Variants in RUNX2 observed in about 807,000 individuals in gnomAD.
RUNX2 encodes RUNX family transcription factor 2, also known as runt-related transcription factor 2.
Under a neutral mutation model 51.7 loss-of-function variants are expected in RUNX2, and 10 were observed. The observed-to-expected ratio is 0.19, with a 90% confidence interval of 0.12 to 0.33. The LOEUF (loss-of-function observed/expected upper bound fraction) is 0.33. Ranked by LOEUF, RUNX2 falls within the 10% of genes least tolerant of loss-of-function variation. The pLI is 1.00. For synonymous variants in RUNX2, 276 were observed against 273.6 expected, an observed-to-expected ratio of 1.01 and a Z score of -0.09; for missense variants, 562 against 691.3, an observed-to-expected ratio of 0.81 and a Z score of 2.10.
chr6:45,546,737 G>T (rs1457123007), intron 8 of RUNX2, 90 bp from the exon 9 acceptor site: 2 of 1,192,528 alleles, frequency 1.7e-6, no homozygotes, highest in East Asian at 4.7e-5. Context: ...GAAAGCTAAA[G>T]TTTTCTCTTT....
chr6:45,384,874 A>T (rs182151942), intron 2 of RUNX2, among the ~76,000 whole-genome samples: 3,189 of 151,660 alleles, frequency 0.021, 45 homozygotes, highest in Non-Finnish European at 0.033. Context: ...TTAATTTTTT[A>T]AAAAAATTTT....
At chr6:45,344,216 G>A (rs1216924455) in intron 2 of RUNX2, among the ~76,000 whole-genome samples, 2 of 152,160 alleles carry the variant, frequency 1.3e-5, no homozygotes, top group East Asian at 3.8e-4. Flanking sequence ...GTTCCTAGAA[G>A]TTTAGCTCCT....
intron 2 of RUNX2, among the ~76,000 whole-genome samples, chr6:45,392,738 G>A (rs1313716950): frequency 6.6e-6 from 1 of 151,018 alleles, no homozygotes; most frequent in African/African-American, 2.4e-5. Flanking sequence ...ATGCTGTTTG[G>A]TGTTCTCTGA....
chr6:45,386,376 A>G (rs1797348906), intron 2 of RUNX2, among the ~76,000 whole-genome samples: 2 of 152,094 alleles, frequency 1.3e-5, no homozygotes, highest in African/African-American at 4.8e-5. Context: ...CTATTAGTGC[A>G]TTTTCTCAAA....
At chr6:45,458,361 CTT>C (rs1163089190) in intron 5 of RUNX2, among the ~76,000 whole-genome samples, 1 of 151,676 alleles carries the variant, frequency 6.6e-6, no homozygotes, top group African/African-American at 2.4e-5. Context: ...ACAGTGCCAA[CTT>C]TTAGGCAATG....
intron 7 of RUNX2, among the ~76,000 whole-genome samples, chr6:45,535,553 G>A (rs1007282979): frequency 1.3e-5 from 2 of 151,552 alleles, no homozygotes; most frequent in Non-Finnish European, 2.9e-5. Flanking sequence ...GCAGTGAGCC[G>A]AGATTGCGCC....
chr6:45,397,498 A>C (rs1797609634), intron 2 of RUNX2, among the ~76,000 whole-genome samples: 1 of 152,114 alleles, frequency 6.6e-6, no homozygotes, highest in Non-Finnish European at 1.5e-5. Context: ...ATAATATTTG[A>C]GAGTTTCTGT....
intron 7 of RUNX2, among the ~76,000 whole-genome samples, chr6:45,529,060 G>A (rs561191764): frequency 6.6e-6 from 1 of 152,296 alleles, no homozygotes; most frequent in South Asian, 2.1e-4. Flanking sequence ...CTTCAACCAT[G>A]CCCTAAAAGG....
At chr6:45,418,854 T>C (rs1363768042) in intron 2 of RUNX2, among the ~76,000 whole-genome samples, 1 of 152,144 alleles carries the variant, frequency 6.6e-6, no homozygotes, top group African/African-American at 2.4e-5. Context: ...TTTTAAGAGA[T>C]CCAAGACTAG....
chr6:45,399,348 CCTTTTT>C (rs1797649666), intron 2 of RUNX2, among the ~76,000 whole-genome samples: 1 of 97,290 alleles, frequency 1.0e-5, no homozygotes, highest in South Asian at 4.1e-4. Flanking sequence ...TCTTTTCTTT[CCTTTTT>C]TTTTTTTTTT....
At chr6:45,393,059 G>A (rs1582064719) in intron 2 of RUNX2, among the ~76,000 whole-genome samples, 1 of 151,588 alleles carries the variant, frequency 6.6e-6, no homozygotes, top group African/African-American at 2.4e-5. Flanking sequence ...TGTTTCCTAG[G>A]GTTTCTATCT....
At chr6:45,390,676 A>G (rs11966902) in intron 2 of RUNX2, among the ~76,000 whole-genome samples, 13,437 of 152,176 alleles carry the variant, frequency 0.088, 767 homozygotes, top group South Asian at 0.18. Context: ...TGAAAGTGTA[A>G]TTGGGTAATT....
chr6:45,493,972 G>A (rs1174189530), intron 6 of RUNX2, among the ~76,000 whole-genome samples: 1 of 152,144 alleles, frequency 6.6e-6, no homozygotes, highest in Non-Finnish European at 1.5e-5. Flanking sequence ...TTTGGAGACT[G>A]CGTGTTGCCA....
chr6:45,377,541 C>G (rs567189262), intron 2 of RUNX2: 2 of 152,412 alleles, frequency 1.3e-5, no homozygotes, highest in African/African-American at 4.8e-5. Flanking sequence ...ACTCCACGCT[C>G]GGCAGCGGAA....
chr6:45,373,668 A>C (rs1339908113), intron 2 of RUNX2, among the ~76,000 whole-genome samples: 2 of 152,126 alleles, frequency 1.3e-5, no homozygotes, highest in African/African-American at 2.4e-5. Flanking sequence ...CTCCTGCCTC[A>C]GCCTCCTGAG....
chr6:45,445,200 A>G (rs1375736291), intron 5 of RUNX2, among the ~76,000 whole-genome samples: 6 of 151,714 alleles, frequency 4.0e-5, no homozygotes. Context: ...AATTTTTTGT[A>G]TTTTTAGTGG....
At chr6:45,516,366 A>C (rs540656563) in intron 7 of RUNX2, among the ~76,000 whole-genome samples, 1 of 152,356 alleles carries the variant, frequency 6.6e-6, no homozygotes, top group South Asian at 2.1e-4. Flanking sequence ...AGTTATTGCC[A>C]TGTAATTGAC....
At chr6:45,433,185 ATGT>A (rs1403060617) in intron 4 of RUNX2, among the ~76,000 whole-genome samples, 2 of 152,200 alleles carry the variant, frequency 1.3e-5, no homozygotes, top group South Asian at 2.1e-4. Context: ...TGTCACTGAC[ATGT>A]TGTTTGAAAT....
chr6:45,450,860 C>T (rs1265983811), intron 5 of RUNX2, among the ~76,000 whole-genome samples: 1 of 152,178 alleles, frequency 6.6e-6, no homozygotes, highest in Non-Finnish European at 1.5e-5. Flanking sequence ...GTAGACTGGA[C>T]TCACACACCC....
Sources: gnomAD v4.1 joint callset for allele counts (sites outside exome capture counted in the v4.1 genomes callset) on GRCh38, gnomAD v4.1.1 for gene constraint, MANE v1.5 for transcripts, NCBI Gene and HGNC (gene_info 2026-07-23, HGNC 2026-07-21) for gene names.